PTAR1: variants seen among roughly 807,000 people sequenced by gnomAD.
PTAR1 encodes protein prenyltransferase alpha subunit repeat-containing protein 1.
PTAR1 carries 17 observed loss-of-function variants against 45.5 expected under a neutral mutation model. That is an observed-to-expected ratio of 0.37 (90% CI 0.26 to 0.56). PTAR1 has a LOEUF of 0.56. PTAR1 is among the 20% of genes least tolerant of loss of function. The probability of loss-of-function intolerance (pLI) is 0.77; values close to 1 mark genes in which losing one functional copy is unlikely to be tolerated. For synonymous variants in PTAR1, 169 were observed against 171.3 expected, an observed-to-expected ratio of 0.99 and a Z score of 0.11; for missense variants, 391 against 476.3, an observed-to-expected ratio of 0.82 and a Z score of 1.67.
At chr9:69,758,783 T>C (rs1588496462) in intron 1 of PTAR1, 3 of 227,120 alleles carry the variant, frequency 1.3e-5, no homozygotes, top group East Asian at 2.7e-4. Context: ...GTTAGAATAC[T>C]TAAAAAAAAA....
intron 5 of PTAR1, among the ~76,000 whole-genome samples, chr9:69,731,678 T>C (rs1424723335): frequency 2.0e-5 from 3 of 152,168 alleles, no homozygotes; most frequent in Non-Finnish European, 2.9e-5. Flanking sequence ...CCAGGTAATT[T>C]ATAGGCTCAG....
rs376627918 is a variant in PTAR1 at position 69,741,962 on chromosome 9, A to G, written c.257-104T>C. On this transcript the variant is annotated intron_variant, in intron 2 of 7. Transcript: ENST00000340434. ...TTTCTCTCTATCACATTATACTAATATATCTCTCATGTCATACTAACTTTA... is the reference window on the plus strand; with the variant it reads ...TTTCTCTCTATCACATTATACTAATGTATCTCTCATGTCATACTAACTTTA... 1.4e-4 allele frequency: 101 copies of G among 697,162 alleles called. 1 individual carries two copies. Among genetic ancestry groups the G allele is most frequent in the African/African-American group, 7.5e-4 (42 of 55,786 alleles). The allele number at this position is 697,162 out of a possible 1,614,324, so 43.2% of individuals were successfully genotyped here. A position where few individuals can be genotyped will look rare whatever the true frequency, so the allele number is the denominator to read the frequency against.
chr9:69,721,968 A>G (rs919001688), intron 6 of PTAR1, among the ~76,000 whole-genome samples: 3 of 152,174 alleles, frequency 2.0e-5, no homozygotes, highest in African/African-American at 2.4e-5. Flanking sequence ...TGAACCTGTG[A>G]TATCTCTGAG....
At chr9:69,759,710 C>T (rs1826993878) in intron 1 of PTAR1, 143 bp downstream of exon 1, 1 of 783,776 alleles carries the variant, frequency 1.3e-6, no homozygotes, top group Non-Finnish European at 1.9e-6. Flanking sequence ...AACGGTCCCG[C>T]CCGACACGGC....
chr9:69,724,009 T>C (rs1257102884), intron 5 of PTAR1, among the ~76,000 whole-genome samples: 2 of 152,200 alleles, frequency 1.3e-5, no homozygotes, highest in African/African-American at 4.8e-5. Context: ...AAATATAAAC[T>C]CAGATTACTT....
At chr9:69,720,276 T>TA (rs940713336) in intron 6 of PTAR1, among the ~76,000 whole-genome samples, 1 of 152,198 alleles carries the variant, frequency 6.6e-6, no homozygotes, top group African/African-American at 2.4e-5. Flanking sequence ...AACACAGTCT[T>TA]ACTGCTGATA....
chr9:69,746,047 A>ATATACATATACATGT (rs1826260378), intron 2 of PTAR1, among the ~76,000 whole-genome samples: 1 of 152,214 alleles, frequency 6.6e-6, no homozygotes, highest in East Asian at 1.9e-4. Flanking sequence ...TAACATATAC[A>ATATACATATACATGT]ACCATAGGCC....
At chr9:69,734,052 C>T in intron 4 of PTAR1, 98 bp downstream of exon 4, 1 of 727,790 alleles carries the variant, frequency 1.4e-6, no homozygotes, top group South Asian at 1.7e-5. Context: ...AATTCATGCT[C>T]TGGAACCAAT....
In PTAR1 at chr9:69,723,452, T is replaced by A. The variant is rs766004332; in HGVS notation, c.821A>T (p.Asp274Val). The change falls in exon 6 of 8, where the codon GAT (aspartate) becomes GTT (valine). Residue 274 changes from aspartate to valine, a missense_variant. This residue lies in a region of PTAR1 where 181 missense variants were observed against 227.7 expected (regional missense o/e 0.80). Coordinates refer to ENST00000340434, the MANE Select transcript of PTAR1 (RefSeq NM_001099666.2). ...TTCTGTTGAAACTGCTGCTTCTTCATCTTTTGGAGGAACTAGGGCTGGCTC... is the reference window on the plus strand; with the variant it reads ...TTCTGTTGAAACTGCTGCTTCTTCAACTTTTGGAGGAACTAGGGCTGGCTC... ...RSEPALVPPK[D>V]EEAAVSTEEP... 1 of 1,613,910 alleles carries A rather than the reference T, an allele frequency of 6.2e-7. No individual in the cohort carries two copies. Among genetic ancestry groups the A allele is most frequent in the South Asian group, 1.1e-5 (1 of 91,086 alleles).
chr9:69,712,319 G>A lies in PTAR1; in HGVS notation c.*6023C>T, dbSNP rs1271584015. 6.6e-6 allele frequency: 1 copy of A among 152,104 alleles called. No individual in the cohort carries two copies. Among genetic ancestry groups the A allele is most frequent in the Non-Finnish European group, 1.5e-5 (1 of 68,006 alleles). The allele number at this position is 152,104 out of a possible 1,614,324, so 9.4% of individuals were successfully genotyped here. A position where few individuals can be genotyped will look rare whatever the true frequency, so the allele number is the denominator to read the frequency against. On this transcript the variant is annotated 3_prime_UTR_variant, in exon 8 of 8. Coordinates refer to ENST00000340434, the MANE Select transcript of PTAR1 (RefSeq NM_001099666.2). ...AACTATCTGGTTAATTTGGGCAAAT[G>A]AGCACTTGTGTTTGGTTTCTAACTT...
rs1006022240 is a variant in PTAR1, at chr9:69,713,966, A to G, written c.*4376T>C. 6 of 152,188 alleles carry G rather than the reference A, an allele frequency of 3.9e-5. No homozygotes were observed. Among genetic ancestry groups the G allele is most frequent in the Non-Finnish European group, 8.8e-5 (6 of 68,012 alleles). The allele number at this position is 152,188 out of a possible 1,614,324, so 9.4% of individuals were successfully genotyped here. ...AAACTTCCATCCTGTTTTCTTAAACATTAAATATAATCTTGCTCCCAAAAA... is the reference window on the plus strand; with the variant it reads ...AAACTTCCATCCTGTTTTCTTAAACGTTAAATATAATCTTGCTCCCAAAAA... On this transcript the variant is annotated 3_prime_UTR_variant, in exon 8 of 8. Coordinates refer to ENST00000340434, the MANE Select transcript of PTAR1 (RefSeq NM_001099666.2).
At chr9:69,727,822 C>G (rs1014502365) in intron 5 of PTAR1, among the ~76,000 whole-genome samples, 2 of 81,020 alleles carry the variant, frequency 2.5e-5, no homozygotes, top group Non-Finnish European at 7.1e-5. Context: ...GCTTTATTCT[C>G]TCTAATGTAC....
chr9:69,741,935 T>C (rs1299057438), intron 2 of PTAR1, 77 bp from the exon 3 acceptor site: 11 of 866,538 alleles, frequency 1.3e-5, no homozygotes, highest in Admixed American at 1.0e-4. Flanking sequence ...TTTAAGGTTC[T>C]CTTTCTCTCT....
Position 69,710,047 on chromosome 9 carries a change from A to C in PTAR1, c.*8295T>G, listed in dbSNP as rs1487575879. The C allele has an allele frequency of 2.6e-5, 4 of 152,168 alleles. No homozygotes were observed. The highest frequency in any genetic ancestry group is 4.4e-5 in the Non-Finnish European group (3 of 68,018). The allele number at this position is 152,168 out of a possible 1,614,324, so 9.4% of individuals were successfully genotyped here. A position where few individuals can be genotyped will look rare whatever the true frequency, so the allele number is the denominator to read the frequency against. ...AGGAAAACAAGTGGATAATTCTATT[A>C]GATGCTTTTCTAAATATTCTGAATT... On this transcript the variant is annotated 3_prime_UTR_variant, in exon 8 of 8. Coordinates refer to ENST00000340434, the MANE Select transcript of PTAR1 (RefSeq NM_001099666.2).
rs1208834797 is a variant in PTAR1 at position 69,709,744 on chromosome 9, A to C, written c.*8598T>G. On this transcript the variant is annotated 3_prime_UTR_variant, in exon 8 of 8. Coordinates refer to ENST00000340434, the MANE Select transcript of PTAR1 (RefSeq NM_001099666.2). ...AAGTCCTGGAAGACAGTTGCAGAGG[A>C]AGATTAGAATCCCAGGGCTGTTTGT... The C allele has an allele frequency of 6.6e-6, 1 of 152,132 alleles. No homozygotes were observed. The highest frequency in any genetic ancestry group is 2.4e-5 in the African/African-American group (1 of 41,444). The allele number at this position is 152,132 out of a possible 1,614,324, so 9.4% of individuals were successfully genotyped here.
At chr9:69,724,994 A>G (rs1040982718) in intron 5 of PTAR1, among the ~76,000 whole-genome samples, 1 of 152,186 alleles carries the variant, frequency 6.6e-6, no homozygotes, top group South Asian at 2.1e-4. Context: ...GAAATGGAAA[A>G]CAGTATCTTT....
intron 1 of PTAR1, among the ~76,000 whole-genome samples, chr9:69,751,736 T>C (rs970505578): frequency 1.3e-5 from 2 of 152,050 alleles, no homozygotes; most frequent in African/African-American, 4.8e-5. Flanking sequence ...TTTTGGGCCA[T>C]TTTTTCTTCT....
intron 5 of PTAR1, among the ~76,000 whole-genome samples, chr9:69,725,316 G>A (rs1384754339): frequency 2.0e-5 from 3 of 152,102 alleles, no homozygotes; most frequent in South Asian, 2.1e-4. Flanking sequence ...CTGGCTGTGC[G>A]TGGTGGCTCA....
intron 1 of PTAR1, chr9:69,758,668 A>G: frequency 2.4e-6 from 1 of 410,804 alleles, no homozygotes; most frequent in African/African-American, 2.0e-5. Context: ...AGGGAGCAAA[A>G]CATCCAACGG....
Sources: gnomAD v4.1 joint callset for allele counts (sites outside exome capture counted in the v4.1 genomes callset) on GRCh38, gnomAD v4.1.1 for gene constraint, gnomAD v4.1.1 regional missense constraint, MANE v1.5 for transcripts, NCBI Gene and HGNC (gene_info 2026-07-23, HGNC 2026-07-21) for gene names.